NAXD: variants seen among roughly 807,000 people sequenced by gnomAD.
NAXD encodes ATP-dependent (S)-NAD(P)H-hydrate dehydratase.
A neutral mutation model predicts 35.8 loss-of-function variants in NAXD; 22 were observed. That is an observed-to-expected ratio of 0.62 (90% CI 0.44 to 0.88). NAXD has a LOEUF of 0.88. Ranked by LOEUF, NAXD falls within the 40% of genes least tolerant of loss-of-function variation. The pLI is 0.00. For missense variants in NAXD, 428 were observed against 437.7 expected (o/e 0.98, Z 0.20); for synonymous variants, 189 against 177.6 (o/e 1.06, Z -0.51).
chr13:110,627,304 T>C, intron 4 of NAXD, 135 bp from the exon 5 acceptor site: 1 of 662,804 alleles, frequency 1.5e-6, no homozygotes, highest in Non-Finnish European at 2.6e-6. Context: ...AAATAATAAA[T>C]CTAAATTACA....
intron 4 of NAXD, among the ~76,000 whole-genome samples, chr13:110,626,372 T>C (rs537669610): frequency 6.6e-6 from 1 of 152,014 alleles, no homozygotes; most frequent in Non-Finnish European, 1.5e-5. Context: ...GGTCACTCCA[T>C]GTGGTGGAAA....
intron 8 of NAXD, 40 bp downstream of exon 8, chr13:110,635,628 G>C: frequency 6.2e-7 from 1 of 1,607,146 alleles, no homozygotes; most frequent in Non-Finnish European, 8.5e-7. Context: ...CCAGTGCCAG[G>C]TCAGTCAGCA....
chr13:110,623,246 C>T (rs1265384694), intron 2 of NAXD, among the ~76,000 whole-genome samples: 1 of 152,202 alleles, frequency 6.6e-6, no homozygotes, highest in Non-Finnish European at 1.5e-5. Context: ...CACCGCTTTG[C>T]AGGAGAAGGC....
At chr13:110,635,265 C>T (rs1398898737) in intron 7 of NAXD, among the ~76,000 whole-genome samples, 1 of 152,216 alleles carries the variant, frequency 6.6e-6, no homozygotes, top group African/African-American at 2.4e-5. Flanking sequence ...GGCACTGGAG[C>T]AGGCACCGTG....
In NAXD at chr13:110,635,392, G is replaced by A. The variant is rs570040884; in HGVS notation, c.598-76G>A. 1.3e-4 allele frequency: 201 copies of A among 1,531,382 alleles called. 2 individuals are homozygous for A. The African/African-American group carries it at 2.3e-3, about 17-fold the overall frequency. The allele number at this position is 1,531,382 out of a possible 1,614,324, so 94.9% of individuals were successfully genotyped here. ...GACACGAGAGCATGAGTCTCATGGC[G>A]GATGGGACAGGGCTATCTGTCGTCG... On this transcript the variant is annotated intron_variant, in intron 7 of 9. Coordinates refer to ENST00000680254, the MANE Select transcript of NAXD (RefSeq NM_001242882.2).
Position 110,623,757 on chromosome 13 carries a change from T to C in NAXD, c.198-477T>C, listed in dbSNP as rs561381478. On this transcript the variant is annotated intron_variant, in intron 2 of 9. Coordinates refer to ENST00000680254, the MANE Select transcript of NAXD (RefSeq NM_001242882.2). Reference sequence around the variant, plus strand: ...GTGGCTCATGCCCGTCATCTTAGCATTTTGAGAGGCCGAGGCGGGCGGATC... The same window carrying C: ...GTGGCTCATGCCCGTCATCTTAGCACTTTGAGAGGCCGAGGCGGGCGGATC... Among the ~76,000 whole-genome samples the C allele has an allele frequency of 2.6e-5, 4 of 152,312 alleles. No individual in the cohort carries two copies. The East Asian group carries it at 7.7e-4, about 29-fold the overall frequency.
At chr13:110,618,806 G>T (rs565311403) in intron 1 of NAXD, among the ~76,000 whole-genome samples, 2 of 152,314 alleles carry the variant, frequency 1.3e-5, no homozygotes, top group African/African-American at 4.8e-5. Flanking sequence ...TCCTTGCCTG[G>T]ACTAGCATAT....
chr13:110,615,544 C>CA, upstream of NAXD: 1 of 1,334,724 alleles, frequency 7.5e-7, no homozygotes, highest in Non-Finnish European at 9.6e-7. Context: ...AAAACGCTTC[C>CA]AATGGCTGTG....
At position 110,624,222 on chromosome 13, in the gene NAXD, C is replaced by T. The variant is rs757080444; in HGVS notation, c.198-12C>T. The T allele has an allele frequency of 2.5e-6, 4 of 1,588,090 alleles. No homozygotes were observed. The East Asian group carries it at 8.9e-5, about 36-fold the overall frequency. ...TCTCAGAAGTTTTTGACTCTAAATA[C>T]CTTCTTTTTAGGTACACTGGAGCCC... On this transcript the variant is annotated splice_polypyrimidine_tract_variant and intron_variant, in intron 2 of 9. Coordinates refer to ENST00000680254, the MANE Select transcript of NAXD (RefSeq NM_001242882.2).
intron 2 of NAXD, among the ~76,000 whole-genome samples, chr13:110,623,828 C>G (rs1000104796): frequency 1.3e-5 from 2 of 152,104 alleles, no homozygotes; most frequent in African/African-American, 4.8e-5. Context: ...CATGCAGAAA[C>G]CCTGTCCCTA....
rs774361450 is a variant in NAXD, at chr13:110,622,301, T to G, written c.132T>G (p.Pro44=). The G allele has an allele frequency of 6.2e-7, 1 of 1,614,160 alleles. No individual in the cohort carries two copies. The highest frequency in any genetic ancestry group is 8.5e-7 in the Non-Finnish European group (1 of 1,180,006). Reference sequence around the variant, plus strand: ...TGCAGCTGGTGAGAAATATCATACCTCCTCTGTCTTCCACAAAGCACAAAG... The same window carrying G: ...TGCAGCTGGTGAGAAATATCATACCGCCTCTGTCTTCCACAAAGCACAAAG... The part of the protein sequence containing the change: ...NTLQLVRNII[P]PLSSTKHKGQ... Residue 44 remains proline (P), a synonymous_variant, in exon 2 of 10, where the codon CCT becomes CCG. Transcript: ENST00000680254.
rs546815821 is a variant in NAXD, at chr13:110,638,065, G to A, written c.840-313G>A. On this transcript the variant is annotated intron_variant, in intron 9 of 9. Coordinates refer to ENST00000680254, the MANE Select transcript of NAXD (RefSeq NM_001242882.2). The surrounding 1 kb of genome is among the most constrained non-coding windows in gnomAD (Gnocchi z 5.4). ...TCTGCACCTGGGCACTGAGAGCACAGTCAAACAGGGCTAAGCAGCTTGTGC... is the reference window on the plus strand; with the variant it reads ...TCTGCACCTGGGCACTGAGAGCACAATCAAACAGGGCTAAGCAGCTTGTGC... Among the ~76,000 whole-genome samples, 2 of 152,278 alleles carry A rather than the reference G, an allele frequency of 1.3e-5. No homozygotes were observed. Among genetic ancestry groups the A allele is most frequent in the South Asian group, 4.1e-4 (2 of 4,824 alleles).
chr13:110,634,841 G>A (rs1372053305), intron 7 of NAXD, 65 bp downstream of exon 7: 9 of 1,223,732 alleles, frequency 7.4e-6, no homozygotes, highest in African/African-American at 4.5e-5. Context: ...GGTGAAGGAC[G>A]AGCTCCATGC....
rs756117839 is a variant in NAXD, at chr13:110,615,550, C to T, written c.-52C>T. ...GGAAACCGGAAAACGCTTCCAATGG[C>T]TGTGTTTCCGGCGACGGCGCGGGGG... On this transcript the variant is annotated 5_prime_UTR_variant, in exon 1 of 10. Transcript: ENST00000680254. The T allele has an allele frequency of 4.0e-5, 54 of 1,337,154 alleles. No individual in the cohort carries two copies. The highest frequency in any genetic ancestry group is 1.9e-4 in the Middle Eastern group (1 of 5,236). The allele number at this position is 1,337,154 out of a possible 1,614,324, so 82.8% of individuals were successfully genotyped here.
At chr13:110,619,036 C>T (rs1266802785) in intron 1 of NAXD, among the ~76,000 whole-genome samples, 1 of 152,202 alleles carries the variant, frequency 6.6e-6, no homozygotes, top group Admixed American at 6.5e-5. Flanking sequence ...TGCTGGGCGA[C>T]ACTGGTTGCA....
In NAXD at chr13:110,637,208, G is replaced by A. The variant is rs780904587; in HGVS notation, c.798G>A (p.Leu266=). ...GDLLSGSLGV[L]VHWALLAGPQ... Reference sequence around the variant, plus strand: ...TCCTGTCGGGCTCCCTGGGCGTCCTGGTACACTGGGCGCTCCTTGCTGGAC... The same window carrying A: ...TCCTGTCGGGCTCCCTGGGCGTCCTAGTACACTGGGCGCTCCTTGCTGGAC... The change falls in exon 9 of 10, where the codon CTG becomes CTA. Residue 266 remains leucine (L), a synonymous_variant. Transcript: ENST00000680254. 2 of 1,613,938 alleles carry A rather than the reference G, an allele frequency of 1.2e-6. No homozygotes were observed. Among genetic ancestry groups the A allele is most frequent in the African/African-American group, 1.3e-5 (1 of 74,944 alleles).
At position 110,638,992 on chromosome 13, in the gene NAXD, T is replaced by G. The variant is rs533568007; in HGVS notation, c.*464T>G. On this transcript the variant is annotated 3_prime_UTR_variant, in exon 10 of 10. Transcript: ENST00000680254. The surrounding 1 kb of genome is among the most constrained non-coding windows in gnomAD (Gnocchi z 5.4). ...CCCGGGTGTCTCCCTGAGTCCCGAC[T>G]GCACTGACTGGGTCCATCAGAGGGC... 4.2e-5 allele frequency: 14 copies of G among 335,906 alleles called. No individual in the cohort carries two copies. In the East Asian group the frequency reaches 1.0e-3, roughly 24 times the overall value. 20.8% of individuals were successfully genotyped at this position (335,906 alleles called of 1,614,324 possible).
At chr13:110,637,020 T>G in intron 8 of NAXD, 109 bp from the exon 9 acceptor site, 1 of 1,300,736 alleles carries the variant, frequency 7.7e-7, no homozygotes, top group Non-Finnish European at 1.0e-6. Context: ...CTCAGGCTGC[T>G]CCTGGAGGGT....
chr13:110,636,313 G>A (rs186293805), intron 8 of NAXD, among the ~76,000 whole-genome samples: 3 of 152,354 alleles, frequency 2.0e-5, no homozygotes, highest in African/African-American at 7.2e-5. Context: ...GTCTGTGGGC[G>A]GGTGTGTGCA....
Sources: gnomAD v4.1 joint callset for allele counts (sites outside exome capture counted in the v4.1 genomes callset) on GRCh38, gnomAD v4.1.1 for gene constraint, Gnocchi (gnomAD v3.1) non-coding constraint, MANE v1.5 for transcripts, NCBI Gene and HGNC (gene_info 2026-07-23, HGNC 2026-07-21) for gene names.